TRIM44: variants seen among roughly 807,000 people sequenced by gnomAD.
TRIM44 encodes tripartite motif-containing protein 44.
In TRIM44, 13 loss-of-function variants were observed where a neutral mutation model predicts 37.4. The ratio of observed to expected loss-of-function variants is 0.35; its 90% CI spans 0.23 to 0.55. TRIM44 has a LOEUF of 0.55. Ranked by LOEUF, TRIM44 falls within the 20% of genes least tolerant of loss-of-function variation. The pLI is 0.89. For missense variants in TRIM44, 426 were observed against 437.2 expected, an observed-to-expected ratio of 0.97 and a Z score of 0.23; for synonymous variants, 175 against 157.2, an observed-to-expected ratio of 1.11 and a Z score of -0.85.
At chr11:35,681,457 A>G (rs563734839) in intron 1 of TRIM44, among the ~76,000 whole-genome samples, 1 of 152,292 alleles carries the variant, frequency 6.6e-6, no homozygotes, top group East Asian at 1.9e-4. Context: ...TGTAGCACTT[A>G]TCTCTTTTTA....
At position 35,719,435 on chromosome 11, in the gene TRIM44, T is replaced by G. The variant is rs141217668; in HGVS notation, c.748-6489T>G. Among the ~76,000 whole-genome samples, 8 of 152,306 alleles carry G rather than the reference T, an allele frequency of 5.3e-5. 1 individual carries two copies. Among genetic ancestry groups the G allele is most frequent in the African/African-American group, 1.9e-4 (8 of 41,568 alleles). ...GTTCATTTTCTTATTTTTGAGTGTT[T>G]ATGGTTCTTAGTATATTTTAGATAA... On this transcript the variant is annotated intron_variant, in intron 2 of 4. Coordinates refer to ENST00000299413, the MANE Select transcript of TRIM44 (RefSeq NM_017583.6).
intron 4 of TRIM44, among the ~76,000 whole-genome samples, chr11:35,741,143 T>C (rs1204352982): frequency 6.6e-6 from 1 of 152,174 alleles, no homozygotes; most frequent in African/African-American, 2.4e-5. Context: ...ACTTGTGATA[T>C]GGAATGGAAC....
chr11:35,715,088 C>A (rs143784657), intron 2 of TRIM44, among the ~76,000 whole-genome samples: 54 of 152,262 alleles, frequency 3.5e-4, no homozygotes, highest in Middle Eastern at 3.4e-3. Flanking sequence ...ACCCAGCATC[C>A]CCAGTGAACT....
At chr11:35,780,759 C>T (rs539888815) in intron 4 of TRIM44, among the ~76,000 whole-genome samples, 1 of 130,224 alleles carries the variant, frequency 7.7e-6, no homozygotes, top group Admixed American at 8.1e-5. Flanking sequence ...TACCCATCAG[C>T]CCCACCCCCA....
At chr11:35,725,786 T>C (rs981689709) in intron 2 of TRIM44, 138 bp from the exon 3 acceptor site, 2 of 896,956 alleles carry the variant, frequency 2.2e-6, no homozygotes, top group Admixed American at 2.9e-5. Flanking sequence ...GGGAACATTG[T>C]TTTTAGGATA....
chr11:35,708,895 A>T (rs1851927213), intron 2 of TRIM44, among the ~76,000 whole-genome samples: 1 of 152,082 alleles, frequency 6.6e-6, no homozygotes, highest in East Asian at 1.9e-4. Flanking sequence ...CATGTACCCT[A>T]AAACTTAAAA....
At chr11:35,672,275 G>A (rs1851402124) in intron 1 of TRIM44, among the ~76,000 whole-genome samples, 1 of 152,024 alleles carries the variant, frequency 6.6e-6, no homozygotes, top group African/African-American at 2.4e-5. Context: ...AACACCATTT[G>A]CCTTACTACA....
chr11:35,800,912 C>T (rs1253003293), intron 4 of TRIM44, among the ~76,000 whole-genome samples: 1 of 152,218 alleles, frequency 6.6e-6, no homozygotes, highest in Non-Finnish European at 1.5e-5. Flanking sequence ...AGTCACACAG[C>T]AGAACCAGGA....
chr11:35,733,561 G>A (rs1852291068), intron 3 of TRIM44, among the ~76,000 whole-genome samples: 1 of 151,976 alleles, frequency 6.6e-6, no homozygotes, highest in African/African-American at 2.4e-5. Flanking sequence ...TCTACCACTC[G>A]CCCTACTTCC....
intron 4 of TRIM44, among the ~76,000 whole-genome samples, chr11:35,787,368 C>T (rs907223915): frequency 4.6e-5 from 7 of 152,314 alleles, no homozygotes; most frequent in Non-Finnish European, 1.0e-4. Context: ...AGAGCAGCTA[C>T]AGTACATTTC....
At chr11:35,742,394 A>C (rs981579711) in intron 4 of TRIM44, among the ~76,000 whole-genome samples, 7 of 144,272 alleles carry the variant, frequency 4.9e-5, no homozygotes, top group Middle Eastern at 7.4e-3. Flanking sequence ...GTCTATATAT[A>C]TAGGACAACA....
chr11:35,701,007 G>T (rs145721826), intron 2 of TRIM44, among the ~76,000 whole-genome samples: 2 of 152,110 alleles, frequency 1.3e-5, no homozygotes, highest in African/African-American at 4.8e-5. Flanking sequence ...TTTTTCATTT[G>T]CCAGTTTTGA....
chr11:35,677,354 A>AT (rs1851470117), intron 1 of TRIM44, among the ~76,000 whole-genome samples: 1 of 151,628 alleles, frequency 6.6e-6, no homozygotes. Flanking sequence ...TCCTAAAACT[A>AT]TTTTCCCCTT....
chr11:35,719,610 A>C (rs1852077092), intron 2 of TRIM44, among the ~76,000 whole-genome samples: 2 of 152,266 alleles, frequency 1.3e-5, no homozygotes, highest in African/African-American at 2.4e-5. Flanking sequence ...ACATCTAAAA[A>C]GTTATCACTA....
chr11:35,793,569 C>T lies in TRIM44; in HGVS notation c.1008-12789C>T, dbSNP rs557146362. Among the ~76,000 whole-genome samples, 5 of 152,206 alleles carry T rather than the reference C, an allele frequency of 3.3e-5. No individual in the cohort carries two copies. The South Asian group carries it at 8.3e-4, about 25-fold the overall frequency. On this transcript the variant is annotated intron_variant, in intron 4 of 4. Transcript: ENST00000299413. The stretch of plus-strand genomic sequence containing the variant: ...AAGAGACTATTGGGATCCCCTGTAA[C>T]GAGGAGAAAGTTTTCGAGTAATTGG...
chr11:35,808,294 A>G lies in TRIM44; in HGVS notation c.*1909A>G, dbSNP rs1853482057. 1 of 151,778 alleles carries G rather than the reference A, an allele frequency of 6.6e-6. No individual in the cohort carries two copies. Among genetic ancestry groups the G allele is most frequent in the Non-Finnish European group, 1.5e-5 (1 of 67,990 alleles). 9.4% of individuals were successfully genotyped at this position (151,778 alleles called of 1,614,324 possible). On this transcript the variant is annotated 3_prime_UTR_variant, in exon 5 of 5. Transcript: ENST00000299413. ...TTTTGGTGCTTTACCTATCTCTGCA[A>G]AGACTGGAGAATTTGGCATACCATT...
At chr11:35,758,434 G>T (rs763581034) in intron 4 of TRIM44, among the ~76,000 whole-genome samples, 3 of 152,108 alleles carry the variant, frequency 2.0e-5, no homozygotes, top group Non-Finnish European at 2.9e-5. Context: ...GTACACTGAT[G>T]GGTCTTGACT....
At chr11:35,747,055 A>G (rs1226485872) in intron 4 of TRIM44, among the ~76,000 whole-genome samples, 2 of 152,190 alleles carry the variant, frequency 1.3e-5, no homozygotes, top group African/African-American at 2.4e-5. Context: ...AGTTGCAGCA[A>G]AAGCAGGGAG....
chr11:35,732,847 G>A (rs960957057), intron 3 of TRIM44, among the ~76,000 whole-genome samples: 3 of 152,052 alleles, frequency 2.0e-5, no homozygotes, highest in African/African-American at 4.8e-5. Flanking sequence ...TATTCAAAAC[G>A]GCTTTATAAT....
Sources: gnomAD v4.1 joint callset for allele counts (sites outside exome capture counted in the v4.1 genomes callset) on GRCh38, gnomAD v4.1.1 for gene constraint, MANE v1.5 for transcripts, NCBI Gene and HGNC (gene_info 2026-07-23, HGNC 2026-07-21) for gene names.